The following SRRT variants were observed in gnomAD, a reference collection of about 807,000 sequenced individuals.
SRRT encodes serrate RNA effector molecule homolog.
In SRRT, 32 loss-of-function variants were observed where a neutral mutation model predicts 103.2. The ratio of observed to expected loss-of-function variants is 0.31; its 90% CI spans 0.23 to 0.42. The LOEUF is 0.42. Among genes scored for constraint, SRRT ranks in the 10% least tolerant of loss-of-function variants. The pLI is 1.00. For synonymous variants in SRRT, 525 were observed against 449.0 expected, an observed-to-expected ratio of 1.17 and a Z score of -2.14; for missense variants, 986 against 1,207.5, an observed-to-expected ratio of 0.82 and a Z score of 2.72.
At chr7:100,883,403 G>T (rs1461700663) in intron 5 of SRRT, among the ~76,000 whole-genome samples, 1 of 151,762 alleles carries the variant, frequency 6.6e-6, no homozygotes, top group Non-Finnish European at 1.5e-5. Flanking sequence ...TTTTCCCTCT[G>T]AGGTCCTATT....
Position 100,887,936 on chromosome 7 carries a change from C to A in SRRT, c.2326+77C>A. The A allele has an allele frequency of 6.5e-7, 1 of 1,548,032 alleles. No individual in the cohort carries two copies. Among genetic ancestry groups the A allele is most frequent in the Non-Finnish European group, 8.7e-7 (1 of 1,144,646 alleles). ...GGACTCCTGTTTCTCTTTAACGTGT[C>A]ACCCCGAGAAGTTTCTGCCCCATCC... On this transcript the variant is annotated intron_variant, in intron 17 of 19. Coordinates refer to ENST00000611405, the MANE Select transcript of SRRT (RefSeq NM_015908.6). The surrounding 1 kb of genome is among the most constrained non-coding windows in gnomAD (Gnocchi z 4.1).
At chr7:100,883,752 C>T (rs145824314) in intron 5 of SRRT, among the ~76,000 whole-genome samples, 4 of 152,292 alleles carry the variant, frequency 2.6e-5, no homozygotes, top group African/African-American at 7.2e-5. Context: ...CTTTTTACTA[C>T]GTTAGTGTTT....
intron 17 of SRRT, 38 bp from the exon 18 acceptor site, chr7:100,888,004 C>A (rs1012087531): frequency 4.6e-6 from 7 of 1,524,148 alleles, no homozygotes; most frequent in Non-Finnish European, 5.3e-6. Flanking sequence ...GTATCCCCCT[C>A]CCCGCCCCCG....
chr7:100,883,925 C>A, intron 5 of SRRT, 145 bp from the exon 6 acceptor site: 1 of 872,554 alleles, frequency 1.1e-6, no homozygotes, highest in Non-Finnish European at 1.7e-6. Flanking sequence ...TAGCGCACCC[C>A]TATCCCTTAA....
Position 100,888,541 on chromosome 7 carries a change from T to G in SRRT, c.2623T>G (p.Phe875Val). The G allele has an allele frequency of 6.2e-7, 1 of 1,614,158 alleles. No homozygotes were observed. The highest frequency in any genetic ancestry group is 8.5e-7 in the Non-Finnish European group (1 of 1,180,030). The change falls in exon 20 of 20, where the codon TTC becomes GTC. Residue 875 changes from phenylalanine to valine, a missense_variant. Physicochemically the swap from Phe to Val is conservative, Grantham distance 50. Coordinates refer to ENST00000611405, the MANE Select transcript of SRRT (RefSeq NM_015908.6). The part of the protein sequence containing the change: ...RDLDAPDDVD[F>V]F ...CCTGGATGCCCCAGACGATGTTGAT[T>G]TCTTTTGAGCCGTCCCCCGTTCCTC...
intron 8 of SRRT, 29 bp downstream of exon 8, chr7:100,884,867 T>TGTTGGGGCTGGGGTTCTGGC: frequency 6.2e-7 from 1 of 1,609,830 alleles, no homozygotes; most frequent in Non-Finnish European, 8.5e-7. Context: ...GGGGTCAGAG[T>TGTTGGGGCTGGGGTTCTGGC]GTTGGGGCTG....
At chr7:100,880,946 T>G (rs1418086121) in intron 2 of SRRT, among the ~76,000 whole-genome samples, 1 of 152,102 alleles carries the variant, frequency 6.6e-6, no homozygotes, top group Non-Finnish European at 1.5e-5. Flanking sequence ...AGGGCTGGAG[T>G]GCAGTGGCTT....
chr7:100,887,846 T>C lies in SRRT; in HGVS notation c.2313T>C (p.Pro771=), dbSNP rs146305624. The change falls in exon 17 of 20, where the codon CCT becomes CCC. Residue 771 remains proline (P), a synonymous_variant. Coordinates refer to ENST00000611405, the MANE Select transcript of SRRT (RefSeq NM_015908.6). This position sits in a 1 kb window ranked among gnomAD's most constrained non-coding sequence, Gnocchi z 4.1. Reference sequence around the variant, plus strand: ...CTGAGATCAAGCCAGCCCAGCCACCTGGCCCCGCCCAGAGTAAGATACGAT... The same window carrying C: ...CTGAGATCAAGCCAGCCCAGCCACCCGGCCCCGCCCAGAGTAAGATACGAT... ...ALPEIKPAQP[P]GPAQILPPGL... The C allele has an allele frequency of 3.6e-5, 58 of 1,605,272 alleles. 1 individual carries two copies. In the African/African-American group the frequency reaches 7.3e-4, roughly 20 times the overall value.
chr7:100,888,158 G>C lies in SRRT; in HGVS notation c.2428+15G>C, dbSNP rs1374512366. The C allele has an allele frequency of 4.4e-6, 7 of 1,605,894 alleles. No homozygotes were observed. Among genetic ancestry groups the C allele is most frequent in the Admixed American group, 3.4e-5 (2 of 58,480 alleles). On this transcript the variant is annotated intron_variant, in intron 18 of 19. Coordinates refer to ENST00000611405, the MANE Select transcript of SRRT (RefSeq NM_015908.6). ...GGGCTATGGAGGTAAGTACAGGAGG[G>C]AGATGAAGGGGCTTGGTGAGTGTGT...
chr7:100,886,924 A>C lies in SRRT; in HGVS notation c.1777A>C (p.Asn593His), dbSNP rs1002817909. 3.7e-6 allele frequency: 6 copies of C among 1,613,230 alleles called. No individual in the cohort carries two copies. Among genetic ancestry groups the C allele is most frequent in the Admixed American group, 3.3e-5 (2 of 59,810 alleles). Residue 593 changes from asparagine (N) to histidine (H), a missense_variant, in exon 14 of 20, where the codon AAC becomes CAC. Transcript: ENST00000611405. ...APPEEPPKEG[N>H]PAEINVERDE... ...TCCTGAGGAGCCTCCTAAGGAAGGGAACCCGGCAGAGATCAACGTGGAGCG... is the reference window on the plus strand; with the variant it reads ...TCCTGAGGAGCCTCCTAAGGAAGGGCACCCGGCAGAGATCAACGTGGAGCG...
chr7:100,876,522 T>G (rs1409833293), intron 2 of SRRT, among the ~76,000 whole-genome samples: 1 of 152,202 alleles, frequency 6.6e-6, no homozygotes, highest in Non-Finnish European at 1.5e-5. Flanking sequence ...GGAGGATTGC[T>G]TCAGAAAAAT....
intron 2 of SRRT, among the ~76,000 whole-genome samples, chr7:100,878,676 C>G (rs1390360249): frequency 6.6e-6 from 1 of 150,984 alleles, no homozygotes; most frequent in Non-Finnish European, 1.5e-5. Flanking sequence ...CTTTCCAACT[C>G]CTTATCAGTA....
chr7:100,887,320 T>A lies in SRRT; in HGVS notation c.1976T>A (p.Val659Glu). Residue 659 changes from valine (V) to glutamate (E), a missense_variant and splice_region_variant, in exon 16 of 20, where the codon GTG becomes GAG. Physicochemically the swap from Val to Glu is moderately radical, Grantham distance 121. Around this residue, in one of 6 missense-constraint regions of SRRT, gnomAD observed 349 missense variants for 446.9 expected, o/e 0.78. Coordinates refer to ENST00000611405, the MANE Select transcript of SRRT (RefSeq NM_015908.6). This position sits in a 1 kb window ranked among gnomAD's most constrained non-coding sequence, Gnocchi z 4.1. ...TCCTTCCTCTGTTCCCAAACCACAG[T>A]GCTGGAGTGGCAGAAGACTTTTGAG... ...MPPNRISHGE[V>E]LEWQKTFEEK... 6.2e-7 allele frequency: 1 copy of A among 1,613,638 alleles called. No individual in the cohort carries two copies. The highest frequency in any genetic ancestry group is 8.5e-7 in the Non-Finnish European group (1 of 1,179,694).
chr7:100,880,615 G>T, intron 2 of SRRT: 1 of 352,168 alleles, frequency 2.8e-6, no homozygotes, highest in Non-Finnish European at 5.9e-6. Flanking sequence ...GAATAGGCTT[G>T]ATTCTGACAG....
At position 100,884,365 on chromosome 7, in the gene SRRT, T is replaced by G; in HGVS notation, c.758-3T>G. ...TCATGACCTCTGTTCCCTTTGTTGG[T>G]AGCCGTGATTAAGATGGAAGGAGGC... is the stretch of plus-strand genomic sequence containing the variant. On this transcript the variant is annotated splice_polypyrimidine_tract_variant and splice_region_variant and intron_variant, in intron 6 of 19. Transcript: ENST00000611405. 1 of 1,613,294 alleles carries G rather than the reference T, an allele frequency of 6.2e-7. No homozygotes were observed. The highest frequency in any genetic ancestry group is 8.5e-7 in the Non-Finnish European group (1 of 1,179,800).
intron 3 of SRRT, 66 bp downstream of exon 3, chr7:100,881,479 C>T: frequency 3.8e-6 from 6 of 1,587,488 alleles, no homozygotes; most frequent in African/African-American, 2.7e-5. Context: ...CCCTTTCTCC[C>T]CTCACCTGTG....
chr7:100,883,716 C>T (rs1396321219), intron 5 of SRRT, among the ~76,000 whole-genome samples: 1 of 152,204 alleles, frequency 6.6e-6, no homozygotes, highest in African/African-American at 2.4e-5. Context: ...CTGAGCCTTC[C>T]TCTCTGAAGC....
Position 100,885,182 on chromosome 7 carries a change from C to T in SRRT, c.1160-31C>T. On this transcript the variant is annotated intron_variant, in intron 9 of 19. Coordinates refer to ENST00000611405, the MANE Select transcript of SRRT (RefSeq NM_015908.6). This position sits in a 1 kb window ranked among gnomAD's most constrained non-coding sequence, Gnocchi z 4.8. ...CACCACAATCAGTAATAAAAATGCA[C>T]CAACTCCTTCCTACCCCCCTTCCTG... 1 of 1,607,916 alleles carries T rather than the reference C, an allele frequency of 6.2e-7. No homozygotes were observed. The highest frequency in any genetic ancestry group is 2.2e-5 in the East Asian group (1 of 44,766).
Position 100,884,916 on chromosome 7 carries a change from C to T in SRRT, c.1042-7C>T, listed in dbSNP as rs3757866. The T allele has an allele frequency of 4.8e-3, 7,818 of 1,613,908 alleles. 114 individuals are homozygous for T. The highest frequency in any genetic ancestry group is 0.04 in the African/African-American group (3,023 of 74,954). On this transcript the variant is annotated splice_polypyrimidine_tract_variant and splice_region_variant and intron_variant, in intron 8 of 19. Coordinates refer to ENST00000611405, the MANE Select transcript of SRRT (RefSeq NM_015908.6). ...CTGACTTGTCCCCTCTGCTGTGGCT[C>T]ACACAGAGTAGCAAGAAGCGGAACC...
Sources: allele counts gnomAD v4.1 joint callset (sites outside exome capture counted in the v4.1 genomes callset), GRCh38; gene constraint gnomAD v4.1.1; regional missense constraint gnomAD v4.1.1; non-coding constraint Gnocchi (gnomAD v3.1); transcripts MANE v1.5; gene names NCBI Gene and HGNC (gene_info 2026-07-23, HGNC 2026-07-21).